Variants in CABP5 observed in about 807,000 individuals in gnomAD.
CABP5 encodes the protein calcium-binding protein 5.
CABP5 carries 17 observed loss-of-function variants against 21.9 expected under a neutral mutation model. That is an observed-to-expected ratio of 0.78 (90% confidence interval 0.53 to 1.17). The LOEUF (loss-of-function observed/expected upper bound fraction) is 1.17, where lower values mean the gene tolerates loss of function less well. CABP5 is among the 50% of genes most tolerant of loss of function. The pLI is 0.00. For synonymous variants in CABP5, 85 were observed against 79.4 expected, an observed-to-expected ratio of 1.07 and a Z score of -0.37; for missense variants, 229 against 228.9, an observed-to-expected ratio of 1.00 and a Z score of 0.00.
intron 5 of CABP5, among the ~76,000 whole-genome samples, chr19:48,033,283 C>T (rs537640986): frequency 5.0e-4 from 76 of 151,560 alleles, no homozygotes; most frequent in Non-Finnish European, 9.0e-4. Context: ...GGATTACAGG[C>T]GTGAGCCACC....
intron 4 of CABP5, among the ~76,000 whole-genome samples, chr19:48,036,397 A>G (rs117852741): frequency 0.024 from 3,694 of 152,270 alleles, 73 homozygotes; most frequent in Non-Finnish European, 0.04. Flanking sequence ...TGAATATTGC[A>G]TTTAAATATA....
In CABP5 at chr19:48,034,294, C is replaced by T. The variant is rs149851508; in HGVS notation, c.417G>A (p.Gly139=). The T allele has an allele frequency of 2.5e-6, 4 of 1,609,150 alleles. No individual in the cohort carries two copies. Among genetic ancestry groups the T allele is most frequent in the Non-Finnish European group, 3.4e-6 (4 of 1,178,138 alleles). The stretch of plus-strand genomic sequence containing the variant: ...AGATCTCCCGGGGGGTGAGCCGCTC[C>T]CCCAGGAGTCTCTGCATGGCCTGCT... ...ELQQAMQRLL[G]ERLTPREISE... The change falls in exon 5 of 6, where the codon GGG becomes GGA. Residue 139 remains glycine (G), a synonymous_variant. Transcript: ENST00000293255.
rs758235952 is a variant in CABP5, at chr19:48,040,654, C to T, written c.189G>A (p.Met63Ile). 15 of 1,614,012 alleles carry T rather than the reference C, an allele frequency of 9.3e-6. No individual in the cohort carries two copies. Among genetic ancestry groups the T allele is most frequent in the Non-Finnish European group, 1.3e-5 (15 of 1,179,938 alleles). The change falls in exon 3 of 6, where the codon ATG becomes ATA. Residue 63 changes from methionine (M) to isoleucine (I), a missense_variant. Transcript: ENST00000293255. ...LGNLMRTMGYMPTEMELIELG... is the reference protein window; with the variant it reads ...LGNLMRTMGYIPTEMELIELG... ...GCTCAATCAGTTCCATCTCCGTGGG[C>T]ATGTAACCCATCGTCCTCATGAGAT... is the stretch of plus-strand genomic sequence containing the variant.
intron 5 of CABP5, 127 bp downstream of exon 5, chr19:48,034,087 AC>A (rs1967375417): frequency 3.3e-6 from 3 of 908,326 alleles, no homozygotes. Context: ...AAAACCTGCC[AC>A]CCGCTTCCAT....
chr19:48,034,201 C>T lies in CABP5; in HGVS notation c.496+14G>A. On this transcript the variant is annotated intron_variant, in intron 5 of 5. Coordinates refer to ENST00000293255, the MANE Select transcript of CABP5 (RefSeq NM_019855.5). The stretch of plus-strand genomic sequence containing the variant: ...TGGCTGCCCCCGCTCCCCACCACGC[C>T]CCGTCAATGTCACCTTCAAAGTCAA... 1.3e-6 allele frequency: 2 copies of T among 1,541,760 alleles called. No homozygotes were observed. Among genetic ancestry groups the T allele is most frequent in the South Asian group, 1.2e-5 (1 of 81,770 alleles).
In CABP5 at chr19:48,029,743, C is replaced by T. The variant is rs1052317101; in HGVS notation, c.*814G>A. Among the ~76,000 whole-genome samples, 3 of 150,326 alleles carry T rather than the reference C, an allele frequency of 2.0e-5. No individual in the cohort carries two copies. Among genetic ancestry groups the T allele is most frequent in the Non-Finnish European group, 4.4e-5 (3 of 67,684 alleles). ...CCAGATTTGTGGTTTAATTCAGTCCCCTGAGTATCTTACACAAAGGAAGGG... is the reference window on the plus strand; with the variant it reads ...CCAGATTTGTGGTTTAATTCAGTCCTCTGAGTATCTTACACAAAGGAAGGG... On this transcript the variant is annotated 3_prime_UTR_variant, in exon 6 of 6. Coordinates refer to ENST00000293255, the MANE Select transcript of CABP5 (RefSeq NM_019855.5).
chr19:48,038,067 CCAT>C lies in CABP5; in HGVS notation c.348+1138_348+1140del, dbSNP rs530547551. 1.4e-4 allele frequency among the ~76,000 whole-genome samples: 22 copies of C among 152,274 alleles called. No individual in the cohort carries two copies. In the South Asian group the frequency reaches 4.4e-3, roughly 30 times the overall value. ...TAGCTGGGATTACAGGCGCCCACCA[CCAT>C]GTCTGGCTAAATTTTTTTGCATTTT... is the stretch of plus-strand genomic sequence containing the variant. On this transcript the variant is annotated intron_variant, in intron 4 of 5. Coordinates refer to ENST00000293255, the MANE Select transcript of CABP5 (RefSeq NM_019855.5).
Position 48,029,475 on chromosome 19 carries a change from T to C in CABP5, c.*1082A>G, listed in dbSNP as rs1164046100. ...GAGGTCAGGAGGAATCTCTCTTTTC[T>C]GTTTCATGGCACAGATCGATGTCAG... On this transcript the variant is annotated 3_prime_UTR_variant, in exon 6 of 6. Transcript: ENST00000293255. 6.6e-6 allele frequency among the ~76,000 whole-genome samples: 1 copy of C among 152,056 alleles called. No homozygotes were observed. The highest frequency in any genetic ancestry group is 6.6e-5 in the Admixed American group (1 of 15,246).
chr19:48,041,248 T>G (rs1183435339), intron 2 of CABP5: 3 of 402,472 alleles, frequency 7.5e-6, no homozygotes, highest in Non-Finnish European at 1.3e-5. Flanking sequence ...AGAGGCATCA[T>G]TCCTGAGACC....
intron 1 of CABP5, among the ~76,000 whole-genome samples, chr19:48,042,244 C>CA (rs1407360169): frequency 7.2e-5 from 11 of 152,192 alleles, no homozygotes; most frequent in African/African-American, 2.4e-4. Context: ...AGCCCCCATT[C>CA]ACTCCTTTCT....
At chr19:48,042,013 C>G (rs961488460) in intron 1 of CABP5, among the ~76,000 whole-genome samples, 1 of 152,104 alleles carries the variant, frequency 6.6e-6, no homozygotes, top group African/African-American at 2.4e-5. Flanking sequence ...CAGTACTGCT[C>G]TGTGATGCAG....
chr19:48,036,526 A>G (rs547849352), intron 4 of CABP5, among the ~76,000 whole-genome samples: 2 of 152,346 alleles, frequency 1.3e-5, no homozygotes, highest in Admixed American at 1.3e-4. Flanking sequence ...GGACAGGGAA[A>G]TGGGGAGATA....
At chr19:48,040,852 G>A in intron 2 of CABP5, 104 bp from the exon 3 acceptor site, 1 of 1,137,532 alleles carries the variant, frequency 8.8e-7, no homozygotes, top group Non-Finnish European at 1.3e-6. Context: ...CTCCTTAAAG[G>A]AGCGTACATT....
At chr19:48,043,757 C>T in intron 1 of CABP5, 103 bp downstream of exon 1, 1 of 991,940 alleles carries the variant, frequency 1.0e-6, no homozygotes, top group Non-Finnish European at 1.4e-6. Context: ...GCTCTATCCA[C>T]CTGTTCCCCT....
At chr19:48,032,162 G>A (rs1967347489) in intron 5 of CABP5, among the ~76,000 whole-genome samples, 1 of 152,004 alleles carries the variant, frequency 6.6e-6, no homozygotes, top group Non-Finnish European at 1.5e-5. Context: ...GAAAGATGTG[G>A]TAAGTGGACG....
chr19:48,040,835 C>T, intron 2 of CABP5, 87 bp from the exon 3 acceptor site: 1 of 1,299,332 alleles, frequency 7.7e-7, no homozygotes, highest in African/African-American at 1.5e-5. Flanking sequence ...GAGGCTCCAA[C>T]TAGAGACTCC....
At chr19:48,037,450 T>C (rs1010921204) in intron 4 of CABP5, among the ~76,000 whole-genome samples, 1 of 151,678 alleles carries the variant, frequency 6.6e-6, no homozygotes, top group African/African-American at 2.4e-5. Flanking sequence ...GTATTTTTAG[T>C]AGAGACGGGG....
At position 48,039,302 on chromosome 19, in the gene CABP5, T is replaced by G. The variant is rs1333334067; in HGVS notation, c.254A>C (p.Asp85Ala). ...QIRMNLGGRV[D>A]FDDFVELMTP... is the part of the protein sequence containing the mutation. ...CATCAGCTCCACAAAGTCATCAAAG[T>G]CTACACGGCCACCCACTGAGGAAGA... Residue 85 changes from aspartate (D) to alanine (A), a missense_variant, in exon 4 of 6, where the codon GAC becomes GCC. Coordinates refer to ENST00000293255, the MANE Select transcript of CABP5 (RefSeq NM_019855.5). 2 of 1,613,896 alleles carry G rather than the reference T, an allele frequency of 1.2e-6. No homozygotes were observed. Among genetic ancestry groups the G allele is most frequent in the African/African-American group, 1.3e-5 (1 of 74,888 alleles).
At chr19:48,030,686 G>T (rs1170459454) in intron 5 of CABP5, 104 bp from the exon 6 acceptor site, 1 of 1,074,290 alleles carries the variant, frequency 9.3e-7, no homozygotes, top group Non-Finnish European at 1.4e-6. Flanking sequence ...GGTGATCCCT[G>T]GGAAATTACT....
Sources: gnomAD v4.1 joint callset for allele counts (sites outside exome capture counted in the v4.1 genomes callset) on GRCh38, gnomAD v4.1.1 for gene constraint, MANE v1.5 for transcripts, NCBI Gene and HGNC (gene_info 2026-07-23, HGNC 2026-07-21) for gene names.